Variants in ENTREP2 observed in about 807,000 individuals in gnomAD.
The protein encoded by ENTREP2 is endosomal transmembrane epsin interactor 2.
chr15:29,344,931 G>GACACACACACACACACAC, the ENTREP2 span, among the ~76,000 whole-genome samples: 29 of 142,604 alleles, frequency 2.0e-4, no homozygotes, highest in African/African-American at 6.6e-4. Context: ...CACGCGCGCA[G>GACACACACACACACACAC]ACACACACAC....
At chr15:29,306,111 G>A in the ENTREP2 span, among the ~76,000 whole-genome samples, 11 of 152,322 alleles carry the variant, frequency 7.2e-5, no homozygotes, top group East Asian at 7.7e-4. Context: ...GCAGCGCTGC[G>A]ATACCCCAGT....
At chr15:29,155,079 G>C in the ENTREP2 span, among the ~76,000 whole-genome samples, 15 of 151,172 alleles carry the variant, frequency 9.9e-5, no homozygotes, top group South Asian at 1.5e-3. Flanking sequence ...TCAGGAGATC[G>C]AGACCATCCT....
At chr15:29,445,403 A>G in the ENTREP2 span, among the ~76,000 whole-genome samples, 4 of 152,120 alleles carry the variant, frequency 2.6e-5, no homozygotes, top group Non-Finnish European at 4.4e-5. Flanking sequence ...TCAGGCCCAC[A>G]ATCCCACCAC....
the ENTREP2 span, among the ~76,000 whole-genome samples, chr15:29,582,754 C>A: frequency 6.6e-5 from 10 of 152,002 alleles, no homozygotes; most frequent in African/African-American, 1.9e-4. Context: ...CAGGTTCAAG[C>A]GATTCTCCTG....
the ENTREP2 span, among the ~76,000 whole-genome samples, chr15:29,530,182 T>C: frequency 6.6e-6 from 1 of 152,100 alleles, no homozygotes; most frequent in Non-Finnish European, 1.5e-5. Flanking sequence ...AACAAGGCTT[T>C]AGTATCCACC....
chr15:29,590,512 G>T, the ENTREP2 span, among the ~76,000 whole-genome samples: 1 of 151,624 alleles, frequency 6.6e-6, no homozygotes, highest in Non-Finnish European at 1.5e-5. Context: ...GAGAAACCCC[G>T]TCTCTACTAA....
chr15:29,135,117 C>A, the ENTREP2 span, among the ~76,000 whole-genome samples: 4 of 151,132 alleles, frequency 2.6e-5, no homozygotes, highest in African/African-American at 9.8e-5. The surrounding 1 kb of genome is among the most constrained non-coding windows in gnomAD (Gnocchi z 7.4). Context: ...TCAGCCCCTA[C>A]CCCCGCCCCT....
the ENTREP2 span, among the ~76,000 whole-genome samples, chr15:29,299,843 T>A: frequency 6.6e-6 from 1 of 151,920 alleles, no homozygotes; most frequent in South Asian, 2.1e-4. Flanking sequence ...AGCTGTTGAT[T>A]AAATGGATGG....
the ENTREP2 span, among the ~76,000 whole-genome samples, chr15:29,557,226 G>C: frequency 3.3e-5 from 5 of 152,158 alleles, no homozygotes; most frequent in African/African-American, 1.2e-4. Flanking sequence ...TGCCTGATGA[G>C]TTCCCACTGT....
the ENTREP2 span, among the ~76,000 whole-genome samples, chr15:29,276,383 T>C: frequency 0.28 from 43,220 of 152,192 alleles, 11,037 homozygotes; most frequent in African/African-American, 0.69. Flanking sequence ...TGGTTTCTAA[T>C]CCCTTTGTTC....
At chr15:29,666,763 T>C in the ENTREP2 span, among the ~76,000 whole-genome samples, 1 of 152,188 alleles carries the variant, frequency 6.6e-6, no homozygotes, top group Non-Finnish European at 1.5e-5. Flanking sequence ...ACACTGTAGT[T>C]TCCCAGGGCT....
the ENTREP2 span, among the ~76,000 whole-genome samples, chr15:29,473,936 C>T: frequency 3.9e-5 from 6 of 152,178 alleles, no homozygotes; most frequent in Admixed American, 6.5e-5. Context: ...CCGTGGGCCA[C>T]GGCAGTCCGG....
At chr15:29,656,468 C>G in the ENTREP2 span, among the ~76,000 whole-genome samples, 1 of 152,202 alleles carries the variant, frequency 6.6e-6, no homozygotes, top group African/African-American at 2.4e-5. Context: ...TGCAGGCAAT[C>G]TGCCTGCCTC....
At chr15:29,594,330 T>A in the ENTREP2 span, among the ~76,000 whole-genome samples, 49 of 152,256 alleles carry the variant, frequency 3.2e-4, no homozygotes, top group Non-Finnish European at 1.2e-4. Context: ...TGTTCTTCAG[T>A]AACCACCTTG....
chr15:29,465,104 G>A, the ENTREP2 span, among the ~76,000 whole-genome samples: 10,669 of 152,026 alleles, frequency 0.07, 509 homozygotes, highest in South Asian at 0.13. Flanking sequence ...CCAGGCCATA[G>A]TGGAAACCAC....
At chr15:29,159,669 C>T in the ENTREP2 span, among the ~76,000 whole-genome samples, 1,397 of 148,498 alleles carry the variant, frequency 9.4e-3, 21 homozygotes, top group African/African-American at 0.032. Flanking sequence ...CACACAAAGG[C>T]TCTCCAAGTC....
the ENTREP2 span, among the ~76,000 whole-genome samples, chr15:29,201,518 CA>C: frequency 2.6e-5 from 4 of 152,174 alleles, no homozygotes; most frequent in Admixed American, 1.3e-4. Flanking sequence ...TTTTCTCCAA[CA>C]ATTGATACAG....
the ENTREP2 span, among the ~76,000 whole-genome samples, chr15:29,577,914 G>T: frequency 6.6e-6 from 1 of 152,150 alleles, no homozygotes; most frequent in East Asian, 1.9e-4. Context: ...GGTGGTAGTT[G>T]CTAGGGGCAG....
chr15:29,234,458 C>G, the ENTREP2 span: 5 of 1,494,980 alleles, frequency 3.3e-6, no homozygotes, highest in Non-Finnish European at 3.7e-6. Flanking sequence ...CCCTGTAGCT[C>G]TTGTGCCCAG....
Sources: gnomAD v4.1 joint callset for allele counts (sites outside exome capture counted in the v4.1 genomes callset) on GRCh38, gnomAD v4.1.1 for gene constraint, Gnocchi (gnomAD v3.1) non-coding constraint, MANE v1.5 for transcripts, NCBI Gene and HGNC (gene_info 2026-07-23, HGNC 2026-07-21) for gene names.